INO80: variants seen among roughly 807,000 people sequenced by gnomAD.
INO80 encodes INO80 complex ATPase subunit, also known as chromatin-remodeling ATPase INO80.
INO80 carries 20 observed loss-of-function variants against 203.4 expected under a neutral mutation model. The ratio of observed to expected loss-of-function variants is 0.10; its 90% CI spans 0.07 to 0.14. The LOEUF is 0.14. INO80 is among the 10% of genes least tolerant of loss of function. The probability of loss-of-function intolerance (pLI) is 1.00; values close to 1 mark genes in which losing one functional copy is unlikely to be tolerated. For synonymous variants in INO80, 726 were observed against 685.2 expected (o/e 1.06, Z -0.93); for missense variants, 1,419 against 1,914.4 (o/e 0.74, Z 4.83).
At chr15:41,087,872 C>T (rs2045584349) in intron 5 of INO80, among the ~76,000 whole-genome samples, 190 bp from the exon 6 acceptor site, 2 of 151,960 alleles carry the variant, frequency 1.3e-5, no homozygotes, top group Admixed American at 1.3e-4. Context: ...AGTTCAACTC[C>T]TATACACGTA....
intron 29 of INO80, among the ~76,000 whole-genome samples, chr15:40,990,787 C>A (rs1352988893): frequency 2.0e-5 from 3 of 152,156 alleles, no homozygotes; most frequent in Non-Finnish European, 2.9e-5. Flanking sequence ...TCAGGGAGAA[C>A]AGAGCTAACA....
At position 41,069,625 on chromosome 15, in the gene INO80, G is replaced by A. The variant is rs772635731; in HGVS notation, c.1727C>T (p.Ala576Val). ...CTGGTGCCAATTGTTAAGTGTAGAC[G>A]CAGGTGAAATTATTAAGAAAGGTCC... Reference protein sequence around the residue: ...IWGPFLIISPASTLNNWHQEF... With the variant: ...IWGPFLIISPVSTLNNWHQEF... The change falls in exon 14 of 36, where the codon GCG becomes GTG. Residue 576 changes from alanine (A) to valine (V), a missense_variant. Physicochemically the swap from Ala to Val is moderately conservative, Grantham distance 64. Around this residue, in one of 9 missense-constraint regions of INO80, gnomAD observed 192 missense variants for 406.7 expected, o/e 0.47. Transcript: ENST00000648947. 13 of 1,609,938 alleles carry A rather than the reference G, an allele frequency of 8.1e-6. No homozygotes were observed. The highest frequency in any genetic ancestry group is 7.8e-5 in the South Asian group (7 of 90,322).
At chr15:40,988,132 G>C (rs2043764638) in intron 29 of INO80, among the ~76,000 whole-genome samples, 158 bp from the exon 30 acceptor site, 1 of 152,152 alleles carries the variant, frequency 6.6e-6, no homozygotes, top group Admixed American at 6.5e-5. Flanking sequence ...AAGATACAAA[G>C]CCGTTCCTTC....
At chr15:41,106,635 A>G (rs1430092451) in intron 1 of INO80, among the ~76,000 whole-genome samples, 1 of 152,182 alleles carries the variant, frequency 6.6e-6, no homozygotes, top group Non-Finnish European at 1.5e-5. Context: ...TCTCAACAAA[A>G]AAAAAGAAAC....
At chr15:41,073,932 T>C (rs921979776) in intron 10 of INO80, among the ~76,000 whole-genome samples, 3 of 152,132 alleles carry the variant, frequency 2.0e-5, no homozygotes, top group African/African-American at 7.2e-5. Context: ...TAATCAGCAT[T>C]CTCCATGAAA....
At chr15:41,113,448 G>GGT (rs2045985604) in intron 1 of INO80, among the ~76,000 whole-genome samples, 2 of 151,718 alleles carry the variant, frequency 1.3e-5, no homozygotes, top group Non-Finnish European at 2.9e-5. Flanking sequence ...TTGTATTTTT[G>GGT]GTAGAGTCAG....
At chr15:41,074,671 T>C (rs2045376610) in intron 9 of INO80, 106 bp from the exon 10 acceptor site, 4 of 752,624 alleles carry the variant, frequency 5.3e-6, no homozygotes, top group Non-Finnish European at 8.4e-6. Flanking sequence ...ACCAACTGTT[T>C]ACTTTTAAAA....
chr15:41,087,415 C>T (rs1170764719), intron 6 of INO80, 147 bp downstream of exon 6: 1 of 852,974 alleles, frequency 1.2e-6, no homozygotes, highest in Non-Finnish European at 1.8e-6. Flanking sequence ...GAAAACTGTA[C>T]TTGCTACTAA....
intron 4 of INO80, among the ~76,000 whole-genome samples, chr15:41,094,859 C>G (rs774833818): frequency 6.6e-6 from 1 of 152,056 alleles, no homozygotes; most frequent in East Asian, 1.9e-4. Flanking sequence ...TGACCTCACG[C>G]GACAGGTCAC....
At chr15:41,065,642 C>A (rs2045197723) in intron 14 of INO80, among the ~76,000 whole-genome samples, 1 of 152,080 alleles carries the variant, frequency 6.6e-6, no homozygotes, top group Non-Finnish European at 1.5e-5. Context: ...TATTCATCAA[C>A]AGATGAATGG....
intron 29 of INO80, among the ~76,000 whole-genome samples, chr15:40,991,923 G>A (rs536293387): frequency 5.3e-5 from 8 of 152,150 alleles, no homozygotes; most frequent in Admixed American, 1.3e-4. Flanking sequence ...GACTACAGGC[G>A]TCCGCCACCA....
At chr15:41,011,288 T>C (rs1017698970) in intron 27 of INO80, among the ~76,000 whole-genome samples, 3 of 152,236 alleles carry the variant, frequency 2.0e-5, no homozygotes, top group Non-Finnish European at 4.4e-5. Context: ...AAACATATCC[T>C]TCTTGCTATC....
At chr15:40,987,070 A>T (rs938757620) in intron 31 of INO80, 21 bp downstream of exon 31, 29 of 1,382,998 alleles carry the variant, frequency 2.1e-5, no homozygotes, top group Non-Finnish European at 3.0e-5. Context: ...AGGGGAGTGT[A>T]TAGAGGTTTA....
At chr15:41,049,636 A>G (rs1421873434) in intron 20 of INO80, among the ~76,000 whole-genome samples, 1 of 152,206 alleles carries the variant, frequency 6.6e-6, no homozygotes, top group Admixed American at 6.5e-5. Context: ...TGGCTCACCC[A>G]GCACTTTGGG....
chr15:41,044,235 A>C (rs1489366242), intron 24 of INO80, among the ~76,000 whole-genome samples: 1 of 152,256 alleles, frequency 6.6e-6, no homozygotes, highest in African/African-American at 2.4e-5. Context: ...GCATTCATCA[A>C]ATAACATGTA....
intron 27 of INO80, among the ~76,000 whole-genome samples, chr15:41,009,456 C>A (rs1207115929): frequency 1.4e-5 from 2 of 141,226 alleles, no homozygotes; most frequent in African/African-American, 2.6e-5. Flanking sequence ...TTGTTCAATT[C>A]CCACCTATGA....
intron 25 of INO80, among the ~76,000 whole-genome samples, chr15:41,023,768 C>CAA (rs139814568): frequency 0.1 from 6,339 of 63,158 alleles, 1,308 homozygotes; most frequent in African/African-American, 0.28. Flanking sequence ...GACTCTGTCT[C>CAA]AAAAAAAAAA....
rs111581427 is a variant in INO80, at chr15:41,015,438, G to T, written c.3402+650C>A. Among the ~76,000 whole-genome samples the T allele has an allele frequency of 2.5e-3, 385 of 152,234 alleles. 1 individual carries two copies. The highest frequency in any genetic ancestry group is 8.7e-3 in the African/African-American group (360 of 41,544). On this transcript the variant is annotated intron_variant, in intron 27 of 35. Coordinates refer to ENST00000648947, the MANE Select transcript of INO80 (RefSeq NM_017553.3). Reference sequence around the variant, plus strand: ...GCTGTTCTCTGCTTTTTTACGCAGAGAACTAATCCTAAATCTTGTTTTCCA... The same window carrying T: ...GCTGTTCTCTGCTTTTTTACGCAGATAACTAATCCTAAATCTTGTTTTCCA...
Position 41,045,031 on chromosome 15 carries a change from T to C in INO80, c.2780A>G (p.His927Arg). 6.2e-7 allele frequency: 1 copy of C among 1,613,216 alleles called. No individual in the cohort carries two copies. The highest frequency in any genetic ancestry group is 8.5e-7 in the Non-Finnish European group (1 of 1,179,782). ...TGGCGCTCCCCAGGAGCGTAGCTGA[T>C]GGAGCCTGTAGGAGGCTTTCAGAGA... ...FLSLKASYRL[H>R]QLRSWGAPEG... Residue 927 changes from histidine to arginine, a missense_variant, in exon 24 of 36, where the codon CAT (histidine) becomes CGT (arginine). This residue lies in a region of INO80 where 302 missense variants were observed against 345.4 expected (regional missense o/e 0.87). Coordinates refer to ENST00000648947, the MANE Select transcript of INO80 (RefSeq NM_017553.3).
Sources: allele counts gnomAD v4.1 joint callset (sites outside exome capture counted in the v4.1 genomes callset), GRCh38; gene constraint gnomAD v4.1.1; regional missense constraint gnomAD v4.1.1; transcripts MANE v1.5; gene names NCBI Gene and HGNC (gene_info 2026-07-23, HGNC 2026-07-21).